ZDHHC18: variants seen among roughly 807,000 people sequenced by gnomAD.
ZDHHC18 encodes zDHHC palmitoyltransferase 18, also known as palmitoyltransferase ZDHHC18.
Under a neutral mutation model 37.5 loss-of-function variants are expected in ZDHHC18, and 23 were observed. The observed-to-expected ratio is 0.61, with a 90% CI of 0.44 to 0.87. The LOEUF is 0.87. ZDHHC18 is among the 40% of genes least tolerant of loss of function. The pLI is 0.00. For synonymous variants in ZDHHC18, 185 were observed against 218.7 expected (o/e 0.85, Z 1.36); for missense variants, 406 against 525.6 (o/e 0.77, Z 2.22).
Position 26,852,778 on chromosome 1 carries a change from G to A in ZDHHC18, c.962G>A (p.Arg321Lys). The A allele has an allele frequency of 1.2e-6, 2 of 1,614,098 alleles. No homozygotes were observed. The highest frequency in any genetic ancestry group is 1.7e-6 in the Non-Finnish European group (2 of 1,179,982). ...ATCAAAGGCTCGTGGTCCAGCAAGAGGGGCGGTGAGGCCTCTGTCAACCCC... is the reference window on the plus strand; with the variant it reads ...ATCAAAGGCTCGTGGTCCAGCAAGAAGGGCGGTGAGGCCTCTGTCAACCCC... The part of the protein sequence containing the change: ...EDIKGSWSSK[R>K]GGEASVNPYS... Residue 321 changes from arginine (R) to lysine (K), a missense_variant, in exon 7 of 8, where the codon AGG becomes AAG. Transcript: ENST00000374142.
chr1:26,829,945 A>G (rs945591165), intron 1 of ZDHHC18, among the ~76,000 whole-genome samples: 4 of 152,226 alleles, frequency 2.6e-5, no homozygotes, highest in Non-Finnish European at 5.9e-5. Context: ...GTCTGATTGC[A>G]TATGAACTGG....
chr1:26,852,354 G>C (rs2081709354), intron 6 of ZDHHC18, among the ~76,000 whole-genome samples: 1 of 152,210 alleles, frequency 6.6e-6, no homozygotes, highest in South Asian at 2.1e-4. Flanking sequence ...TATTTTCCCT[G>C]TTTTCCAAAT....
At position 26,832,624 on chromosome 1, in the gene ZDHHC18, C is replaced by T; in HGVS notation, c.496+17C>T. On this transcript the variant is annotated intron_variant, in intron 2 of 7. Coordinates refer to ENST00000374142, the MANE Select transcript of ZDHHC18 (RefSeq NM_032283.3). Reference sequence around the variant, plus strand: ...AACAGATCGGTGAGGTTTCTACTCCCAGCTGAAGCTGGGTCTCCATAGCTC... The same window carrying T: ...AACAGATCGGTGAGGTTTCTACTCCTAGCTGAAGCTGGGTCTCCATAGCTC... 3 of 1,612,078 alleles carry T rather than the reference C, an allele frequency of 1.9e-6. No homozygotes were observed. The highest frequency in any genetic ancestry group is 2.7e-5 in the African/African-American group (2 of 75,000).
At chr1:26,833,257 A>G (rs1557640487) in intron 2 of ZDHHC18, among the ~76,000 whole-genome samples, 1 of 152,162 alleles carries the variant, frequency 6.6e-6, no homozygotes, top group Non-Finnish European at 1.5e-5. Context: ...GGGAAGGAGG[A>G]TGAAGGCTAC....
Position 26,836,042 on chromosome 1 carries a change from C to T in ZDHHC18, c.496+3435C>T, listed in dbSNP as rs556690864. Among the ~76,000 whole-genome samples, 17 of 152,300 alleles carry T rather than the reference C, an allele frequency of 1.1e-4. No individual in the cohort carries two copies. In the South Asian group the frequency reaches 3.5e-3, roughly 32 times the overall value. On this transcript the variant is annotated intron_variant, in intron 2 of 7. Coordinates refer to ENST00000374142, the MANE Select transcript of ZDHHC18 (RefSeq NM_032283.3). ...AGGAAAATCAGGGCACTCGGTCACC[C>T]TCATCTGAGATCCTGTCTTGCCGGC...
intron 2 of ZDHHC18, among the ~76,000 whole-genome samples, chr1:26,837,614 C>T (rs929697235): frequency 2.7e-5 from 4 of 150,856 alleles, no homozygotes; most frequent in South Asian, 2.1e-4. Flanking sequence ...CAAGTAGCTG[C>T]GATTACAGGC....
chr1:26,828,456 C>CA (rs1329672330), intron 1 of ZDHHC18, among the ~76,000 whole-genome samples: 1 of 151,936 alleles, frequency 6.6e-6, no homozygotes, highest in African/African-American at 2.4e-5. Flanking sequence ...TGAGGTCACA[C>CA]ATGCAAGCTT....
At chr1:26,831,800 G>A (rs935882857) in intron 1 of ZDHHC18, among the ~76,000 whole-genome samples, 2 of 152,146 alleles carry the variant, frequency 1.3e-5, no homozygotes, top group African/African-American at 4.8e-5. Flanking sequence ...GCTGGACCAT[G>A]CAGTTCCCCC....
chr1:26,848,626 C>T lies in ZDHHC18; in HGVS notation c.515C>T (p.Thr172Ile), dbSNP rs757620493. 3 of 1,613,594 alleles carry T rather than the reference C, an allele frequency of 1.9e-6. No individual in the cohort carries two copies. The highest frequency in any genetic ancestry group is 2.5e-6 in the Non-Finnish European group (3 of 1,179,512). The change falls in exon 3 of 8, where the codon ACA becomes ATA. Residue 172 changes from threonine to isoleucine, a missense_variant. By Grantham distance (89) the Thr-to-Ile change is moderately conservative. Coordinates refer to ENST00000374142, the MANE Select transcript of ZDHHC18 (RefSeq NM_032283.3). ...EKQIDNTGSS[T>I]YRPPPRTREV... ...CCCTCAGACAACACAGGCAGTTCTA[C>T]ATACCGGCCACCCCCTCGGACCCGG...
intron 1 of ZDHHC18, among the ~76,000 whole-genome samples, chr1:26,828,229 G>A (rs904599128): frequency 2.1e-5 from 1 of 46,776 alleles, no homozygotes; most frequent in African/African-American, 8.6e-5. Context: ...CATAAGCCCT[G>A]CTGTCCCCTC....
intron 1 of ZDHHC18, among the ~76,000 whole-genome samples, chr1:26,827,355 C>A (rs1220989182): frequency 6.7e-6 from 1 of 149,418 alleles, no homozygotes; most frequent in East Asian, 2.0e-4. Flanking sequence ...ATTTGGGTAC[C>A]CCATCCGCGC....
At position 26,850,628 on chromosome 1, in the gene ZDHHC18, A is replaced by G. The variant is rs1171617568; in HGVS notation, c.833+22A>G. 1 of 1,613,908 alleles carries G rather than the reference A, an allele frequency of 6.2e-7. No individual in the cohort carries two copies. The highest frequency in any genetic ancestry group is 1.7e-5 in the Admixed American group (1 of 59,996). ...CAAGATATCCTTTGTCAGCTAGAGG[A>G]CACTCCAGTGGGAACTGAGGTCCCT... On this transcript the variant is annotated intron_variant, in intron 5 of 7. Transcript: ENST00000374142. The surrounding 1 kb of genome is among the most constrained non-coding windows in gnomAD (Gnocchi z 6.1).
chr1:26,848,571 T>G (rs757160629), intron 2 of ZDHHC18, 37 bp from the exon 3 acceptor site: 4 of 1,596,590 alleles, frequency 2.5e-6, no homozygotes, highest in Non-Finnish European at 3.4e-6. Flanking sequence ...CTGGGCTGCC[T>G]TGGGCATTCC....
At chr1:26,830,925 G>A (rs2081586435) in intron 1 of ZDHHC18, among the ~76,000 whole-genome samples, 1 of 152,126 alleles carries the variant, frequency 6.6e-6, no homozygotes, top group Non-Finnish European at 1.5e-5. Context: ...TGGGATTACA[G>A]GCACATGCTA....
chr1:26,844,144 A>G (rs1011968913), intron 2 of ZDHHC18, among the ~76,000 whole-genome samples: 3 of 152,026 alleles, frequency 2.0e-5, no homozygotes, highest in Non-Finnish European at 4.4e-5. Context: ...GGTTCAAGCA[A>G]TTCTCCTGCC....
At chr1:26,848,806 G>A in intron 3 of ZDHHC18, 49 bp downstream of exon 3, 2 of 1,587,862 alleles carry the variant, frequency 1.3e-6, no homozygotes, top group South Asian at 1.1e-5. Context: ...GAGAGAGACT[G>A]AGTCGTGGGG....
At position 26,833,186 on chromosome 1, in the gene ZDHHC18, G is replaced by C. The variant is rs76250495; in HGVS notation, c.496+579G>C. On this transcript the variant is annotated intron_variant, in intron 2 of 7. Transcript: ENST00000374142. The stretch of plus-strand genomic sequence containing the variant: ...CATGGAGCTTGACAGTTGAGGAGGA[G>C]GAAAGAGACAATAAATAACAAATAA... Among the ~76,000 whole-genome samples the C allele has an allele frequency of 7.1e-3, 1,077 of 152,270 alleles. 11 individuals are homozygous for C. The highest frequency in any genetic ancestry group is 0.024 in the African/African-American group (1,013 of 41,534).
At chr1:26,853,075 A>G (rs1230139338) in intron 7 of ZDHHC18, 2 of 517,002 alleles carry the variant, frequency 3.9e-6, no homozygotes, top group Admixed American at 3.5e-5. Flanking sequence ...TACAAAACGT[A>G]AAACAGAGGA....
chr1:26,836,208 A>G (rs970088767), intron 2 of ZDHHC18, among the ~76,000 whole-genome samples: 8 of 152,138 alleles, frequency 5.3e-5, no homozygotes, highest in African/African-American at 1.9e-4. Flanking sequence ...ACCCTGTTAC[A>G]GTTCACATGA....
Sources: allele counts gnomAD v4.1 joint callset (sites outside exome capture counted in the v4.1 genomes callset), GRCh38; gene constraint gnomAD v4.1.1; non-coding constraint Gnocchi (gnomAD v3.1); transcripts MANE v1.5; gene names NCBI Gene and HGNC (gene_info 2026-07-23, HGNC 2026-07-21).